The following KCNJ4 variants were observed in gnomAD, a reference collection of about 807,000 sequenced individuals.
KCNJ4 encodes potassium inwardly rectifying channel subfamily J member 4, also known as inward rectifier potassium channel 4.
In KCNJ4, 3 loss-of-function variants were observed where a neutral mutation model predicts 25.6. The ratio of observed to expected loss-of-function variants is 0.12; its 90% CI spans 0.05 to 0.30. KCNJ4 has a LOEUF of 0.30. Ranked by LOEUF, KCNJ4 falls within the 10% of genes least tolerant of loss-of-function variation. The pLI, the probability that KCNJ4 is intolerant of heterozygous loss-of-function variation, is 1.00. For synonymous variants in KCNJ4, 257 were observed against 283.9 expected (o/e 0.91, Z 0.95); for missense variants, 286 against 666.8 (o/e 0.43, Z 6.29).
At chr22:38,441,511 G>A (rs777077968) in intron 1 of KCNJ4, among the ~76,000 whole-genome samples, 1 of 152,134 alleles carries the variant, frequency 6.6e-6, no homozygotes, top group African/African-American at 2.4e-5. Context: ...CAGCAAACAA[G>A]ACTCCAGGAG....
Position 38,426,745 on chromosome 22 carries a change from C to T in KCNJ4, c.*50G>A. ...TGTGGGAGGGGGTGTCCTGGCATCC[C>T]ACCCCCGGCAGAGGCTCTTGTGGGC... On this transcript the variant is annotated 3_prime_UTR_variant, in exon 2 of 2. Transcript: ENST00000303592. 6.4e-7 allele frequency: 1 copy of T among 1,552,236 alleles called. No individual in the cohort carries two copies. Among genetic ancestry groups the T allele is most frequent in the Non-Finnish European group, 8.7e-7 (1 of 1,147,056 alleles).
At chr22:38,430,275 G>A (rs943356191) in intron 1 of KCNJ4, among the ~76,000 whole-genome samples, 2 of 152,230 alleles carry the variant, frequency 1.3e-5, no homozygotes, top group African/African-American at 4.8e-5. Context: ...GGCCGAGGCG[G>A]GTGGATCACC....
chr22:38,449,749 C>T lies in KCNJ4; in HGVS notation c.-40+5231G>A, dbSNP rs563725777. Among the ~76,000 whole-genome samples, 26 of 152,348 alleles carry T rather than the reference C, an allele frequency of 1.7e-4. No individual in the cohort carries two copies. Among genetic ancestry groups the T allele is most frequent in the African/African-American group, 6.3e-4 (26 of 41,584 alleles). On this transcript the variant is annotated intron_variant, in intron 1 of 1. Coordinates refer to ENST00000303592, the MANE Select transcript of KCNJ4 (RefSeq NM_152868.3). This position sits in a 1 kb window ranked among gnomAD's most constrained non-coding sequence, Gnocchi z 5.2. ...AGCCTGTTTCCAGCCAGCCACTTCC[C>T]CTTGCTGAGCCTCAGTTTCCCCTTC... is the stretch of plus-strand genomic sequence containing the variant.
Position 38,426,946 on chromosome 22 carries a change from G to A in KCNJ4, c.1187C>T (p.Ala396Val), listed in dbSNP as rs756673649. Reference protein sequence around the residue: ...EMEEEAAAAAAVAAGLGLEAG... With the variant: ...EMEEEAAAAAVVAAGLGLEAG... ...CTCCAGGCCCAGGCCTGCGGCCACC[G>A]CGGCCGCCGCAGCTGCCTCCTCCTC... is the stretch of plus-strand genomic sequence containing the variant. Residue 396 changes from alanine to valine, a missense_variant, in exon 2 of 2, where the codon GCG (alanine) becomes GTG (valine). Around this residue, in one of 11 missense-constraint regions of KCNJ4, gnomAD observed 77 missense variants for 97.6 expected, o/e 0.79. Transcript: ENST00000303592. 153 of 1,612,298 alleles carry A rather than the reference G, an allele frequency of 9.5e-5. No homozygotes were observed. The highest frequency in any genetic ancestry group is 5.0e-4 in the Middle Eastern group (3 of 6,054).
In KCNJ4 at chr22:38,426,360, T is replaced by C. The variant is rs1282477925; in HGVS notation, c.*435A>G. 1 of 163,526 alleles carries C rather than the reference T, an allele frequency of 6.1e-6. No homozygotes were observed. Among genetic ancestry groups the C allele is most frequent in the East Asian group, 1.8e-4 (1 of 5,496 alleles). 10.1% of individuals were successfully genotyped at this position (163,526 alleles called of 1,614,324 possible). A position where few individuals can be genotyped will look rare whatever the true frequency, so the allele number is the denominator to read the frequency against. ...CTCCATCTGTCTCCATTTATAGATA[T>C]TTACAAAAGAAAGTCATGAGCAACA... On this transcript the variant is annotated 3_prime_UTR_variant, in exon 2 of 2. Coordinates refer to ENST00000303592, the MANE Select transcript of KCNJ4 (RefSeq NM_152868.3).
At chr22:38,448,126 G>A (rs556772834) in intron 1 of KCNJ4, among the ~76,000 whole-genome samples, 1 of 151,110 alleles carries the variant, frequency 6.6e-6, no homozygotes, top group East Asian at 2.0e-4. Flanking sequence ...CATGCCTGTA[G>A]TCCCAGCTAC....
At chr22:38,447,110 G>A (rs967306724) in intron 1 of KCNJ4, among the ~76,000 whole-genome samples, 8 of 152,102 alleles carry the variant, frequency 5.3e-5, no homozygotes, top group Admixed American at 4.6e-4. Context: ...CACGGGCCTC[G>A]CCTGGGACAA....
chr22:38,448,734 G>C (rs2089392823), intron 1 of KCNJ4, among the ~76,000 whole-genome samples: 1 of 152,184 alleles, frequency 6.6e-6, no homozygotes, highest in Middle Eastern at 3.2e-3. Flanking sequence ...GGCAAACCCT[G>C]GTGGTCTCCG....
At chr22:38,432,200 G>A (rs2093051857) in intron 1 of KCNJ4, among the ~76,000 whole-genome samples, 1 of 151,174 alleles carries the variant, frequency 6.6e-6, no homozygotes, top group Non-Finnish European at 1.5e-5. Context: ...AGGTTGCAGT[G>A]AGCCAAGATT....
chr22:38,433,361 A>C (rs1219970662), intron 1 of KCNJ4, among the ~76,000 whole-genome samples: 2 of 151,830 alleles, frequency 1.3e-5, no homozygotes, highest in East Asian at 3.9e-4. Context: ...CAGGAGAATC[A>C]CTTGAACCTG....
rs1063134 is a variant in KCNJ4, at chr22:38,426,693, C to A, written c.*102G>T. The A allele has an allele frequency of 2.1e-6, 3 of 1,412,158 alleles. No homozygotes were observed. Among genetic ancestry groups the A allele is most frequent in the Non-Finnish European group, 2.9e-6 (3 of 1,041,310 alleles). The allele number at this position is 1,412,158 out of a possible 1,614,324, so 87.5% of individuals were successfully genotyped here. The stretch of plus-strand genomic sequence containing the variant: ...CCCCCACCTTCCTCCAGAAGGTCCA[C>A]GGAGCCAGGGTTGGCTCTGTCCTGA... On this transcript the variant is annotated 3_prime_UTR_variant, in exon 2 of 2. Transcript: ENST00000303592.
chr22:38,441,521 G>T (rs1188505191), intron 1 of KCNJ4, among the ~76,000 whole-genome samples: 2 of 152,158 alleles, frequency 1.3e-5, no homozygotes, highest in African/African-American at 2.4e-5. Context: ...GACTCCAGGA[G>T]TTGGGGCTGC....
At chr22:38,448,577 G>A (rs1260493191) in intron 1 of KCNJ4, among the ~76,000 whole-genome samples, 2 of 152,174 alleles carry the variant, frequency 1.3e-5, no homozygotes, top group African/African-American at 4.8e-5. Flanking sequence ...AAGAGACCCA[G>A]ACCCTGCTCG....
At chr22:38,434,947 G>A (rs1352140412) in intron 1 of KCNJ4, among the ~76,000 whole-genome samples, 2 of 152,166 alleles carry the variant, frequency 1.3e-5, no homozygotes, top group African/African-American at 4.8e-5. Context: ...ACCACCATGC[G>A]TTATTACATT....
In KCNJ4 at chr22:38,443,684, C is replaced by T. The variant is rs1253217762; in HGVS notation, c.-40+11296G>A. On this transcript the variant is annotated intron_variant, in intron 1 of 1. Transcript: ENST00000303592. This position sits in a 1 kb window ranked among gnomAD's most constrained non-coding sequence, Gnocchi z 4.1. The stretch of plus-strand genomic sequence containing the variant: ...ATCCCACAGTGGGCTTGGGAGCTTG[C>T]CCAAAGCGGGTGAACCTCGGGGCCC... Among the ~76,000 whole-genome samples the T allele has an allele frequency of 6.6e-6, 1 of 152,212 alleles. No homozygotes were observed. The highest frequency in any genetic ancestry group is 2.4e-5 in the African/African-American group (1 of 41,444).
intron 1 of KCNJ4, among the ~76,000 whole-genome samples, chr22:38,444,039 C>T (rs1395944633): frequency 6.6e-6 from 1 of 152,154 alleles, no homozygotes; most frequent in Admixed American, 6.5e-5. Flanking sequence ...TTCTCCAAGA[C>T]TCCACCGCTT....
At chr22:38,451,696 A>T (rs1207800631) in intron 1 of KCNJ4, among the ~76,000 whole-genome samples, 1 of 151,372 alleles carries the variant, frequency 6.6e-6, no homozygotes, top group African/African-American at 2.4e-5. Context: ...TGCTTCCTCC[A>T]CCCCCAAACC....
rs140389222 is a variant in KCNJ4, at chr22:38,427,881, G to A, written c.252C>T (p.His84=). 1.6e-5 allele frequency: 26 copies of A among 1,611,806 alleles called. No homozygotes were observed. The highest frequency in any genetic ancestry group is 9.3e-5 in the African/African-American group (7 of 74,900). Residue 84 remains histidine, a synonymous_variant, in exon 2 of 2, where the codon CAC becomes CAT. Transcript: ENST00000303592. ...GLLFWCIAFF[H]GDLEASPGVP... is the part of the protein sequence containing the mutation. ...CCCCTGGGCTGGCCTCCAGGTCACC[G>A]TGGAAGAAGGCGATACACCAGAAGA...
At position 38,440,515 on chromosome 22, in the gene KCNJ4, C is replaced by T. The variant is rs779061219; in HGVS notation, c.-39-12344G>A. 9.2e-5 allele frequency among the ~76,000 whole-genome samples: 14 copies of T among 152,180 alleles called. 1 individual carries two copies. Among genetic ancestry groups the T allele is most frequent in the Non-Finnish European group, 1.8e-4 (12 of 68,028 alleles). On this transcript the variant is annotated intron_variant, in intron 1 of 1. Coordinates refer to ENST00000303592, the MANE Select transcript of KCNJ4 (RefSeq NM_152868.3). ...CAAGATCTTGCCACTGCACTCCAGC[C>T]TGGACAACAGAATGAGACGCTGTCT... is the stretch of plus-strand genomic sequence containing the variant.
Sources: gnomAD v4.1 joint callset for allele counts (sites outside exome capture counted in the v4.1 genomes callset) on GRCh38, gnomAD v4.1.1 for gene constraint, gnomAD v4.1.1 regional missense constraint, Gnocchi (gnomAD v3.1) non-coding constraint, MANE v1.5 for transcripts, NCBI Gene and HGNC (gene_info 2026-07-23, HGNC 2026-07-21) for gene names.